RAB40C: variants seen among roughly 807,000 people sequenced by gnomAD.
RAB40C encodes the protein RAB40C, member RAS oncogene family.
RAB40C carries 8 observed loss-of-function variants against 28.1 expected under a neutral mutation model. That is an observed-to-expected ratio of 0.28 (90% confidence interval 0.17 to 0.51). The LOEUF (loss-of-function observed/expected upper bound fraction) is 0.51, where lower values mean the gene tolerates loss of function less well. Ranked by LOEUF, RAB40C falls within the 20% of genes least tolerant of loss-of-function variation. The pLI is 0.97. For missense variants in RAB40C, 288 were observed against 405.9 expected, an observed-to-expected ratio of 0.71 and a Z score of 2.50; for synonymous variants, 201 against 171.7, an observed-to-expected ratio of 1.17 and a Z score of -1.34.
At chr16:598,247 G>A (rs1213082287) in intron 1 of RAB40C, among the ~76,000 whole-genome samples, 1 of 151,872 alleles carries the variant, frequency 6.6e-6, no homozygotes, top group Non-Finnish European at 1.5e-5. Flanking sequence ...GCATGGTGGC[G>A]GGCACCTGTA....
chr16:614,808 G>T (rs2036555192), intron 1 of RAB40C, among the ~76,000 whole-genome samples: 1 of 151,524 alleles, frequency 6.6e-6, no homozygotes, highest in South Asian at 2.1e-4. Flanking sequence ...TCCCGACGGT[G>T]AACTGCCAAA....
chr16:626,144 G>A, intron 5 of RAB40C, 23 bp downstream of exon 5: 2 of 1,595,412 alleles, frequency 1.3e-6, no homozygotes, highest in Non-Finnish European at 1.7e-6. Flanking sequence ...GCGCCGGCCA[G>A]CCCTGAGGTC....
intron 1 of RAB40C, among the ~76,000 whole-genome samples, chr16:601,386 G>A (rs1398890343): frequency 2.6e-5 from 4 of 152,102 alleles, no homozygotes; most frequent in African/African-American, 7.2e-5. Flanking sequence ...TGTTCTGCTC[G>A]GGAGCAACAG....
At chr16:609,877 G>T (rs1442948874) in intron 1 of RAB40C, among the ~76,000 whole-genome samples, 1 of 152,186 alleles carries the variant, frequency 6.6e-6, no homozygotes, top group Non-Finnish European at 1.5e-5. Context: ...CTGGAGGGGG[G>T]AGCTGAGGCA....
upstream of RAB40C, chr16:589,792 T>A (rs1039281488): frequency 6.6e-6 from 1 of 152,094 alleles, no homozygotes; most frequent in Non-Finnish European, 1.5e-5. Flanking sequence ...AGGCGTCCGC[T>A]GTCTCCGCAA....
intron 1 of RAB40C, among the ~76,000 whole-genome samples, chr16:592,529 C>T (rs918185502): frequency 6.6e-6 from 1 of 152,200 alleles, no homozygotes; most frequent in Non-Finnish European, 1.5e-5. Context: ...TAGGCCCCTG[C>T]ACCTGCCGCC....
chr16:623,257 G>A (rs1387725183), intron 3 of RAB40C, among the ~76,000 whole-genome samples: 1 of 152,246 alleles, frequency 6.6e-6, no homozygotes, highest in African/African-American at 2.4e-5. Context: ...AAACAGGTCA[G>A]CATCAAAAGT....
chr16:598,561 CAAAAAAAA>C (rs938034632), intron 1 of RAB40C, among the ~76,000 whole-genome samples: 1 of 54,950 alleles, frequency 1.8e-5, no homozygotes, highest in African/African-American at 7.0e-5. Flanking sequence ...CTCTGTCTCA[CAAAAAAAA>C]AAAAAAAAAA....
chr16:590,408 A>T lies in RAB40C; in HGVS notation c.117A>T (p.Ala39=), dbSNP rs200787887. The change falls in exon 1 of 6, where the codon GCA becomes GCT. Residue 39 remains alanine (A), a synonymous_variant. Coordinates refer to ENST00000248139, the MANE Select transcript of RAB40C (RefSeq NM_021168.5). The part of the protein sequence containing the change: ...EILESLQDGA[A]ESPYAYSNGI... The stretch of plus-strand genomic sequence containing the variant: ...TGGAGAGCCTGCAGGACGGCGCGGC[A>T]GAGTCCCCGTACGCCTACAGTAACG... 2 of 1,589,470 alleles carry T rather than the reference A, an allele frequency of 1.3e-6. No individual in the cohort carries two copies. The highest frequency in any genetic ancestry group is 1.7e-6 in the Non-Finnish European group (2 of 1,171,436).
At chr16:619,552 T>C (rs2036668446) in intron 3 of RAB40C, among the ~76,000 whole-genome samples, 1 of 152,216 alleles carries the variant, frequency 6.6e-6, no homozygotes, top group South Asian at 2.1e-4. Flanking sequence ...CTGTTGTTGC[T>C]GCTTCAGTGG....
intron 1 of RAB40C, among the ~76,000 whole-genome samples, chr16:601,815 T>TA (rs60094426): frequency 0.087 from 2,371 of 27,236 alleles, 198 homozygotes; most frequent in Non-Finnish European, 0.1. Context: ...CAAAAAAAAG[T>TA]AAAAAAAAAA....
chr16:595,381 T>C (rs1448335761), intron 1 of RAB40C, among the ~76,000 whole-genome samples: 2 of 152,194 alleles, frequency 1.3e-5, no homozygotes, highest in Admixed American at 1.3e-4. Flanking sequence ...GCAGGCCTCC[T>C]GTGAAGCAGC....
intron 3 of RAB40C, among the ~76,000 whole-genome samples, chr16:622,945 G>A (rs1170756785): frequency 1.3e-5 from 2 of 152,166 alleles, no homozygotes; most frequent in Admixed American, 1.3e-4. Context: ...GCTGGTCACC[G>A]AGAGTCTCCT....
chr16:618,669 G>A (rs977385374), intron 3 of RAB40C, among the ~76,000 whole-genome samples: 1 of 151,146 alleles, frequency 6.6e-6, no homozygotes, highest in Non-Finnish European at 1.5e-5. Flanking sequence ...CAGGTGTGGT[G>A]TACTTGGAGC....
At chr16:590,898 G>A (rs1462575581) in intron 1 of RAB40C, among the ~76,000 whole-genome samples, 1 of 150,244 alleles carries the variant, frequency 6.7e-6, no homozygotes, top group African/African-American at 2.5e-5. Flanking sequence ...GCAGGATCTG[G>A]GGTCTGGGAG....
intron 3 of RAB40C, 182 bp from the exon 4 acceptor site, chr16:625,250 C>A: frequency 6.9e-7 from 1 of 1,450,426 alleles, no homozygotes; most frequent in Non-Finnish European, 9.1e-7. Context: ...CAGGTGAGGG[C>A]AGGGGTGAGG....
intron 3 of RAB40C, chr16:625,080 C>CGAGA: frequency 7.8e-7 from 1 of 1,289,740 alleles, no homozygotes; most frequent in Non-Finnish European, 1.0e-6. Flanking sequence ...ATGGACTGGC[C>CGAGA]GAGAGGACAC....
Position 625,962 on chromosome 16 carries a change from G to T in RAB40C, c.406G>T (p.Val136Phe), listed in dbSNP as rs1316180705. The change falls in exon 5 of 6, where the codon GTC becomes TTC. Residue 136 changes from valine to phenylalanine, a missense_variant. Around this residue, in one of 3 missense-constraint regions of RAB40C, gnomAD observed 153 missense variants for 262.4 expected, o/e 0.58. Transcript: ENST00000248139. Reference sequence around the variant, plus strand: ...GCTGCACCTGGCCTTCAAGCGGCAGGTCCCGACGGAGCAGGCCCGCGCGTA... The same window carrying T: ...GCTGCACCTGGCCTTCAAGCGGCAGTTCCCGACGGAGCAGGCCCGCGCGTA... The part of the protein sequence containing the change: ...NRLHLAFKRQ[V>F]PTEQARAYAE... 6.2e-7 allele frequency: 1 copy of T among 1,613,168 alleles called. No homozygotes were observed. Among genetic ancestry groups the T allele is most frequent in the Non-Finnish European group, 8.5e-7 (1 of 1,179,986 alleles).
At chr16:595,644 C>G (rs1271134941) in intron 1 of RAB40C, among the ~76,000 whole-genome samples, 1 of 150,874 alleles carries the variant, frequency 6.6e-6, no homozygotes, top group Non-Finnish European at 1.5e-5. Context: ...ACTCTGTTGC[C>G]CAGGCCGGAG....
Sources: allele counts gnomAD v4.1 joint callset (sites outside exome capture counted in the v4.1 genomes callset), GRCh38; gene constraint gnomAD v4.1.1; regional missense constraint gnomAD v4.1.1; transcripts MANE v1.5; gene names NCBI Gene and HGNC (gene_info 2026-07-23, HGNC 2026-07-21).